Variants in PRKN observed in about 807,000 individuals in gnomAD.
The protein encoded by PRKN is E3 ubiquitin-protein ligase parkin.
PRKN carries 56 observed loss-of-function variants against 59.5 expected under a neutral mutation model. The observed-to-expected ratio is 0.94, with a 90% CI of 0.76 to 1.18. PRKN has a LOEUF of 1.18. PRKN is among the 50% of genes most tolerant of loss of function. PRKN has a pLI of 0.00. For synonymous variants in PRKN, 250 were observed against 222.1 expected, an observed-to-expected ratio of 1.13 and a Z score of -1.12; for missense variants, 657 against 596.4, an observed-to-expected ratio of 1.10 and a Z score of -1.06.
chr6:162,310,790 G>A (rs1782474001), intron 2 of PRKN, among the ~76,000 whole-genome samples: 2 of 151,032 alleles, frequency 1.3e-5, no homozygotes, highest in South Asian at 2.1e-4. Context: ...AGACTTTACA[G>A]TACTGGATAC....
chr6:161,365,587 C>A (rs1785167075), intron 10 of PRKN, among the ~76,000 whole-genome samples: 1 of 152,078 alleles, frequency 6.6e-6, no homozygotes, highest in African/African-American at 2.4e-5. Context: ...TTTGTTCTGT[C>A]CAGGAAGAAA....
At chr6:162,183,621 T>A (rs1438558400) in intron 4 of PRKN, among the ~76,000 whole-genome samples, 2 of 152,208 alleles carry the variant, frequency 1.3e-5, no homozygotes, top group Non-Finnish European at 2.9e-5. Flanking sequence ...GAATTCAATA[T>A]GGTGATAAAA....
intron 1 of PRKN, among the ~76,000 whole-genome samples, chr6:162,518,957 A>C (rs1777976661): frequency 6.6e-6 from 1 of 152,116 alleles, no homozygotes; most frequent in South Asian, 2.1e-4. Flanking sequence ...GCTATGCCTC[A>C]TTTAAAACTT....
At chr6:162,203,225 C>A (rs890222348) in intron 3 of PRKN, among the ~76,000 whole-genome samples, 3 of 152,108 alleles carry the variant, frequency 2.0e-5, no homozygotes, top group Non-Finnish European at 4.4e-5. Flanking sequence ...TTTCCACCTC[C>A]GAATGCTACT....
At position 161,780,070 on chromosome 6, in the gene PRKN, A is replaced by G. The variant is rs143307237; in HGVS notation, c.871+5702T>C. Reference sequence around the variant, plus strand: ...ACATTGCGTGCCTACTGTCTTCAGCATGTACCCTAAAGGTACTTCATAAGG... The same window carrying G: ...ACATTGCGTGCCTACTGTCTTCAGCGTGTACCCTAAAGGTACTTCATAAGG... On this transcript the variant is annotated intron_variant, in intron 7 of 11. Transcript: ENST00000366898. Among the ~76,000 whole-genome samples the G allele has an allele frequency of 3.0e-4, 46 of 152,242 alleles. 1 individual carries two copies. The highest frequency in any genetic ancestry group is 1.1e-3 in the African/African-American group (45 of 41,480).
intron 2 of PRKN, among the ~76,000 whole-genome samples, chr6:162,335,970 T>G (rs1209598637): frequency 1.3e-5 from 2 of 151,270 alleles, no homozygotes; most frequent in Admixed American, 6.6e-5. Flanking sequence ...ATTACAGTGA[T>G]TCTGCCACAC....
intron 9 of PRKN, among the ~76,000 whole-genome samples, chr6:161,519,438 A>T (rs1172414998): frequency 6.6e-6 from 1 of 151,976 alleles, no homozygotes; most frequent in African/African-American, 2.4e-5. Flanking sequence ...CAATTTGATT[A>T]GTATCAGGGT....
intron 5 of PRKN, among the ~76,000 whole-genome samples, chr6:161,998,955 A>G (rs1437214236): frequency 1.3e-5 from 2 of 152,128 alleles, no homozygotes; most frequent in Non-Finnish European, 2.9e-5. Context: ...TCACAATCCC[A>G]TAATCATTTT....
At chr6:162,236,459 C>T (rs1778720058) in intron 3 of PRKN, among the ~76,000 whole-genome samples, 1 of 152,124 alleles carries the variant, frequency 6.6e-6, no homozygotes, top group African/African-American at 2.4e-5. Context: ...CTCCTCCACA[C>T]CAGTTCTTAC....
chr6:161,789,658 T>C (rs753862078), intron 6 of PRKN, among the ~76,000 whole-genome samples: 2 of 152,220 alleles, frequency 1.3e-5, no homozygotes, highest in Non-Finnish European at 2.9e-5. Context: ...TGTACTTCAA[T>C]ACTGGCCTGA....
intron 1 of PRKN, among the ~76,000 whole-genome samples, chr6:162,638,810 T>C (rs532715565): frequency 5.2e-4 from 76 of 145,994 alleles, no homozygotes; most frequent in African/African-American, 1.8e-3. Context: ...AATGGCATGA[T>C]CTCGGCTCAC....
intron 4 of PRKN, among the ~76,000 whole-genome samples, chr6:162,111,304 A>C (rs139619330): frequency 0.011 from 1,693 of 152,156 alleles, 30 homozygotes; most frequent in African/African-American, 0.039. Flanking sequence ...TCTCTACTAA[A>C]AATACAAAAA....
intron 6 of PRKN, among the ~76,000 whole-genome samples, chr6:161,882,086 G>A (rs1794957728): frequency 6.6e-6 from 1 of 152,052 alleles, no homozygotes; most frequent in Non-Finnish European, 1.5e-5. Flanking sequence ...CTCAATTCTA[G>A]AATAGAAACA....
rs914084821 is a variant in PRKN, at chr6:161,356,704, C to T, written c.1285+3384G>A. ...TAGCTTAGCGGCTTGAGGAACTGGGCGGTGCTGTTGACTGAGGTGGGGTGC... is the reference window on the plus strand; with the variant it reads ...TAGCTTAGCGGCTTGAGGAACTGGGTGGTGCTGTTGACTGAGGTGGGGTGC... On this transcript the variant is annotated intron_variant, in intron 11 of 11. Transcript: ENST00000366898. The surrounding 1 kb of genome is among the most constrained non-coding windows in gnomAD (Gnocchi z 7.8). Among the ~76,000 whole-genome samples, 1 of 151,952 alleles carries T rather than the reference C, an allele frequency of 6.6e-6. No individual in the cohort carries two copies. The highest frequency in any genetic ancestry group is 1.5e-5 in the Non-Finnish European group (1 of 67,986).
In PRKN at chr6:161,440,962, T is replaced by C. The variant is rs1789184525; in HGVS notation, c.1084-54085A>G. On this transcript the variant is annotated intron_variant, in intron 9 of 11. Coordinates refer to ENST00000366898, the MANE Select transcript of PRKN (RefSeq NM_004562.3). This position sits in a 1 kb window ranked among gnomAD's most constrained non-coding sequence, Gnocchi z 4.1. ...CTGAAAGACAAAGAGAAAGATGGGA[T>C]TGTTCTTGCAAAATCTCATTGGTAA... 6.6e-6 allele frequency among the ~76,000 whole-genome samples: 1 copy of C among 152,178 alleles called. No individual in the cohort carries two copies. Among genetic ancestry groups the C allele is most frequent in the Non-Finnish European group, 1.5e-5 (1 of 68,032 alleles).
At chr6:161,602,826 G>T (rs1459889170) in intron 7 of PRKN, among the ~76,000 whole-genome samples, 1 of 152,170 alleles carries the variant, frequency 6.6e-6, no homozygotes, top group Non-Finnish European at 1.5e-5. Context: ...AGTAAACTAA[G>T]AACTCTAGGG....
At chr6:161,727,027 G>A (rs1294032901) in intron 7 of PRKN, among the ~76,000 whole-genome samples, 4 of 152,158 alleles carry the variant, frequency 2.6e-5, no homozygotes, top group Non-Finnish European at 5.9e-5. Context: ...TCCCCTGCCT[G>A]TAGTGTCTGG....
chr6:162,254,600 A>C (rs1366919971), intron 3 of PRKN, among the ~76,000 whole-genome samples: 1 of 152,128 alleles, frequency 6.6e-6, no homozygotes, highest in Non-Finnish European at 1.5e-5. Flanking sequence ...CTGCTCACTT[A>C]GAATAAGAGC....
At chr6:162,491,536 G>A (rs1027527390) in intron 1 of PRKN, among the ~76,000 whole-genome samples, 3 of 152,132 alleles carry the variant, frequency 2.0e-5, no homozygotes, top group African/African-American at 2.4e-5. Context: ...TGCAGTTGCC[G>A]TGCCTCACTC....
Sources: allele counts gnomAD v4.1 joint callset (sites outside exome capture counted in the v4.1 genomes callset), GRCh38; gene constraint gnomAD v4.1.1; non-coding constraint Gnocchi (gnomAD v3.1); transcripts MANE v1.5; gene names NCBI Gene and HGNC (gene_info 2026-07-23, HGNC 2026-07-21).